The following NIPAL2 variants were observed in gnomAD, a reference collection of about 807,000 sequenced individuals.
NIPAL2 encodes the protein NIPA like domain containing 2.
In NIPAL2, 43 loss-of-function variants were observed where a neutral mutation model predicts 48.9. The ratio of observed to expected loss-of-function variants is 0.88; its 90% CI spans 0.69 to 1.13. The LOEUF (loss-of-function observed/expected upper bound fraction) is 1.13, where lower values mean the gene tolerates loss of function less well. Ranked by LOEUF, NIPAL2 falls within the 50% of genes most tolerant of loss-of-function variation. NIPAL2 has a pLI of 0.00. For synonymous variants in NIPAL2, 167 were observed against 174.6 expected, an observed-to-expected ratio of 0.96 and a Z score of 0.34; for missense variants, 446 against 461.4, an observed-to-expected ratio of 0.97 and a Z score of 0.31.
chr8:98,229,428 A>G (rs1201007892), intron 4 of NIPAL2, among the ~76,000 whole-genome samples: 1 of 152,234 alleles, frequency 6.6e-6, no homozygotes, highest in Non-Finnish European at 1.5e-5. Flanking sequence ...GCTGGAGTAC[A>G]GTGATGCAAT....
intron 3 of NIPAL2, among the ~76,000 whole-genome samples, chr8:98,236,572 G>A (rs1031432747): frequency 6.6e-5 from 10 of 152,130 alleles, no homozygotes; most frequent in Non-Finnish European, 1.3e-4. Context: ...AGGAAAGAAA[G>A]AAGGATGGGG....
chr8:98,198,287 T>C (rs1479298339), intron 8 of NIPAL2, among the ~76,000 whole-genome samples: 1 of 152,224 alleles, frequency 6.6e-6, no homozygotes, highest in Non-Finnish European at 1.5e-5. Context: ...CAGTAACCCA[T>C]GCCATAAACA....
At chr8:98,233,340 ATGTGTG>A (rs59700892) in intron 4 of NIPAL2, among the ~76,000 whole-genome samples, 14 of 149,808 alleles carry the variant, frequency 9.3e-5, no homozygotes, top group African/African-American at 1.5e-4. Context: ...TGTTTTCTTG[ATGTGTG>A]TGTGTGTGTG....
intron 2 of NIPAL2, among the ~76,000 whole-genome samples, chr8:98,253,208 G>A (rs1024300306): frequency 2.6e-5 from 4 of 152,006 alleles, no homozygotes; most frequent in Non-Finnish European, 5.9e-5. Flanking sequence ...GTGATCATAG[G>A]TATGTATGTA....
intron 5 of NIPAL2, among the ~76,000 whole-genome samples, chr8:98,219,590 C>G (rs1294842006): frequency 6.6e-6 from 1 of 152,114 alleles, no homozygotes; most frequent in Non-Finnish European, 1.5e-5. Flanking sequence ...TCTCCTACAC[C>G]CTCATTCGTC....
chr8:98,270,475 A>G (rs1435799570), intron 1 of NIPAL2, among the ~76,000 whole-genome samples: 1 of 152,020 alleles, frequency 6.6e-6, no homozygotes. Flanking sequence ...AGCCACTTGA[A>G]TGTCTTTTGA....
intron 1 of NIPAL2, among the ~76,000 whole-genome samples, chr8:98,283,713 C>T (rs919691334): frequency 6.6e-6 from 1 of 152,198 alleles, no homozygotes; most frequent in Non-Finnish European, 1.5e-5. Flanking sequence ...CTACCCCACA[C>T]CTGCCTGGGT....
intron 4 of NIPAL2, among the ~76,000 whole-genome samples, chr8:98,229,561 A>C (rs1232798790): frequency 1.3e-5 from 2 of 152,070 alleles, no homozygotes; most frequent in Admixed American, 6.5e-5. Flanking sequence ...TAATTTTTGC[A>C]GAGATAGGGT....
At chr8:98,214,247 T>C (rs1322491841) in intron 5 of NIPAL2, among the ~76,000 whole-genome samples, 1 of 151,794 alleles carries the variant, frequency 6.6e-6, no homozygotes, top group Non-Finnish European at 1.5e-5. Context: ...CACTTAAACC[T>C]CTCCCTCTTG....
At chr8:98,254,151 A>G (rs1813747023) in intron 1 of NIPAL2, 64 bp from the exon 2 acceptor site, 2 of 1,321,316 alleles carry the variant, frequency 1.5e-6, no homozygotes, top group Non-Finnish European at 2.2e-6. Context: ...AAAAAAGACA[A>G]ATTTAGGTGT....
chr8:98,270,159 T>A (rs984677082), intron 1 of NIPAL2, among the ~76,000 whole-genome samples: 1 of 152,216 alleles, frequency 6.6e-6, no homozygotes, highest in Non-Finnish European at 1.5e-5. Context: ...AGTGCATGCA[T>A]CTTTTTGGTA....
chr8:98,224,650 G>A (rs962287229), intron 4 of NIPAL2, among the ~76,000 whole-genome samples: 32 of 151,412 alleles, frequency 2.1e-4, no homozygotes, highest in African/African-American at 6.6e-4. Context: ...TTGTGGGTAC[G>A]TAGGAGGTGT....
At chr8:98,195,771 C>T (rs781019939) in intron 9 of NIPAL2, 171 bp downstream of exon 9, 24 of 508,812 alleles carry the variant, frequency 4.7e-5, no homozygotes, top group Non-Finnish European at 7.1e-5. Flanking sequence ...AAGCCAAAGA[C>T]GCTGAGCCCT....
At chr8:98,230,269 T>A (rs1812376972) in intron 4 of NIPAL2, among the ~76,000 whole-genome samples, 1 of 152,118 alleles carries the variant, frequency 6.6e-6, no homozygotes. Context: ...TTAAAGGAAT[T>A]GATTGTTCCT....
chr8:98,194,739 C>A lies in NIPAL2; in HGVS notation c.1028G>T (p.Gly343Val), dbSNP rs748199259. ...ATATATGATTTTACCAGGAATATTT[C>A]CAAAATCAATATAAGACTGTTGCAG... The part of the protein sequence containing the change: ...EHLQQSYIDF[G>V]NIPGKQMLDK... Residue 343 changes from glycine (G) to valine (V), a missense_variant, in exon 10 of 11, where the codon GGA becomes GTA. Transcript: ENST00000430223. 1 of 1,543,948 alleles carries A rather than the reference C, an allele frequency of 6.5e-7. No homozygotes were observed. Among genetic ancestry groups the A allele is most frequent in the Non-Finnish European group, 8.7e-7 (1 of 1,147,442 alleles).
chr8:98,254,363 G>A (rs933608385), intron 1 of NIPAL2, among the ~76,000 whole-genome samples: 2 of 151,954 alleles, frequency 1.3e-5, no homozygotes, highest in East Asian at 1.9e-4. Context: ...ATAGTTATTC[G>A]GGTTTTTCCA....
At chr8:98,197,681 A>G (rs1810612313) in intron 8 of NIPAL2, among the ~76,000 whole-genome samples, 1 of 152,222 alleles carries the variant, frequency 6.6e-6, no homozygotes, top group Non-Finnish European at 1.5e-5. Context: ...TGTTCCTAGC[A>G]TCTTCACCAA....
Position 98,194,740 on chromosome 8 carries a change from CA to C in NIPAL2, c.1026del (p.Phe342LeufsTer45). On this transcript the variant is annotated frameshift_variant, in exon 10 of 11. Transcript: ENST00000430223. LOFTEE classifies it high-confidence loss of function. ...KEHLQQSYIDFGNIPGKQMLD... is the reference protein window; with the variant it reads ...KEHLQQSYIDXGNIPGKQMLD... ...TATATGATTTTACCAGGAATATTTC[CA>C]AAATCAATATAAGACTGTTGCAGAT... 6.5e-7 allele frequency: 1 copy of C among 1,543,290 alleles called. No homozygotes were observed. Among genetic ancestry groups the C allele is most frequent in the South Asian group, 1.3e-5 (1 of 78,194 alleles).
At chr8:98,210,371 G>T (rs1811252693) in intron 6 of NIPAL2, among the ~76,000 whole-genome samples, 2 of 152,082 alleles carry the variant, frequency 1.3e-5, no homozygotes, top group Admixed American at 6.5e-5. Flanking sequence ...GCAGTTTAAG[G>T]GTAGTGTTAA....
Sources: allele counts gnomAD v4.1 joint callset (sites outside exome capture counted in the v4.1 genomes callset), GRCh38; gene constraint gnomAD v4.1.1; transcripts MANE v1.5; gene names NCBI Gene and HGNC (gene_info 2026-07-23, HGNC 2026-07-21).